Variants in HPS1 observed in about 807,000 individuals in gnomAD.
HPS1 encodes the protein HPS1 biogenesis of lysosomal organelles complex 3 subunit 1, also known as BLOC-3 complex member HPS1.
A neutral mutation model predicts 90.6 loss-of-function variants in HPS1; 59 were observed. The ratio of observed to expected loss-of-function variants is 0.65; its 90% CI spans 0.53 to 0.81. The LOEUF is 0.81. Ranked by LOEUF, HPS1 falls within the 30% of genes least tolerant of loss-of-function variation. The pLI is 0.00. For missense variants in HPS1, 849 were observed against 896.7 expected, an observed-to-expected ratio of 0.95 and a Z score of 0.68; for synonymous variants, 388 against 384.4, an observed-to-expected ratio of 1.01 and a Z score of -0.11.
intron 13 of HPS1, among the ~76,000 whole-genome samples, 194 bp from the exon 14 acceptor site, chr10:98,424,568 A>G (rs1845346070): frequency 6.6e-6 from 1 of 152,098 alleles, no homozygotes; most frequent in Non-Finnish European, 1.5e-5. Context: ...CTAGTCACTC[A>G]GCAGCGTTTA....
At chr10:98,433,087 C>G (rs1434282574) in intron 6 of HPS1, among the ~76,000 whole-genome samples, 1 of 152,010 alleles carries the variant, frequency 6.6e-6, no homozygotes, top group East Asian at 1.9e-4. Context: ...CAAAAATTAG[C>G]CAGGCGTGGT....
chr10:98,424,436 A>C, intron 13 of HPS1, 62 bp from the exon 14 acceptor site: 1 of 1,438,176 alleles, frequency 7.0e-7, no homozygotes, highest in East Asian at 2.3e-5. Context: ...GTCCAGGCCA[A>C]AGTCCTTCTC....
At chr10:98,439,839 T>C (rs1417504534) in intron 3 of HPS1, among the ~76,000 whole-genome samples, 2 of 152,202 alleles carry the variant, frequency 1.3e-5, no homozygotes, top group African/African-American at 4.8e-5. Context: ...GTAATCCCCA[T>C]AATCCCCACA....
At position 98,435,270 on chromosome 10, in the gene HPS1, A is replaced by G. The variant is rs1486224265; in HGVS notation, c.398+2T>C. ...CAGAGGGGACCAGCTTTGAAGACTC[A>G]CTCCTTTCGGATAAGATGACCGTCC... is the stretch of plus-strand genomic sequence containing the variant. On this transcript the variant is annotated splice_donor_variant, in intron 5 of 19. Coordinates refer to ENST00000361490, the MANE Select transcript of HPS1 (RefSeq NM_000195.5). LOFTEE classifies it high-confidence loss of function. The surrounding 1 kb of genome is among the most constrained non-coding windows in gnomAD (Gnocchi z 4.3). 4 of 1,613,900 alleles carry G rather than the reference A, an allele frequency of 2.5e-6. No homozygotes were observed. In the Admixed American group the frequency reaches 5.0e-5, roughly 20 times the overall value.
chr10:98,424,171 G>A, intron 14 of HPS1, 142 bp downstream of exon 14: 1 of 768,840 alleles, frequency 1.3e-6, no homozygotes, highest in Non-Finnish European at 2.2e-6. Flanking sequence ...TCCACGCGGT[G>A]CTCCACGTAT....
chr10:98,414,907 G>A (rs1460260702), downstream of HPS1: 1 of 1,497,254 alleles, frequency 6.7e-7, no homozygotes, highest in Non-Finnish European at 9.0e-7. Context: ...TGCCAGAGGA[G>A]AGAGCAGTGG....
chr10:98,430,171 A>G lies in HPS1; in HGVS notation c.769-282T>C, dbSNP rs60511309. 0.07 allele frequency among the ~76,000 whole-genome samples: 10,720 copies of G among 152,216 alleles called. 455 individuals carry two copies. Among genetic ancestry groups the G allele is most frequent in the Middle Eastern group, 0.1 (30 of 294 alleles). On this transcript the variant is annotated intron_variant, in intron 8 of 19. Transcript: ENST00000361490. ...GGTGGCTGACACTCACTAAGCATTC[A>G]CTATGCCCCAGGCAGTGCCAGGTTC...
At chr10:98,419,544 T>G (rs988845732) in intron 18 of HPS1, among the ~76,000 whole-genome samples, 4 of 152,016 alleles carry the variant, frequency 2.6e-5, no homozygotes, top group African/African-American at 9.7e-5. Context: ...TACTCTGCAG[T>G]AACAGTGAGG....
chr10:98,414,935 C>T, downstream of HPS1: 3 of 1,557,730 alleles, frequency 1.9e-6, no homozygotes, highest in Non-Finnish European at 8.7e-7. Flanking sequence ...CTCCCCCTCC[C>T]CCTCCCCACC....
Position 98,422,394 on chromosome 10 carries a change from G to C in HPS1, c.1718C>G (p.Pro573Arg), listed in dbSNP as rs372351461. 5.3e-5 allele frequency: 86 copies of C among 1,610,530 alleles called. No individual in the cohort carries two copies. In the Middle Eastern group the frequency reaches 6.6e-4, roughly 12 times the overall value. Reference sequence around the variant, plus strand: ...CTTAGTTTTGACAAAGGCAGCCAGCGGCCCCTTGCCCAACTCCGACGAGGT... The same window carrying C: ...CTTAGTTTTGACAAAGGCAGCCAGCCGCCCCTTGCCCAACTCCGACGAGGT... ...QKTSSELGKG[P>R]LAAFVKTKVW... is the part of the protein sequence containing the mutation. The change falls in exon 17 of 20, where the codon CCG (proline) becomes CGG (arginine). Residue 573 changes from proline (P) to arginine (R), a missense_variant. Coordinates refer to ENST00000361490, the MANE Select transcript of HPS1 (RefSeq NM_000195.5).
intron 18 of HPS1, among the ~76,000 whole-genome samples, 173 bp from the exon 19 acceptor site, chr10:98,418,430 A>T (rs1337250424): frequency 1.3e-5 from 2 of 152,230 alleles, no homozygotes; most frequent in Non-Finnish European, 2.9e-5. Flanking sequence ...CACCTTATGA[A>T]CATTAGAGAA....
In HPS1 at chr10:98,416,927, C is replaced by G. The variant is rs1844190666; in HGVS notation, c.*637G>C. 2 of 152,452 alleles carry G rather than the reference C, an allele frequency of 1.3e-5. No homozygotes were observed. Among genetic ancestry groups the G allele is most frequent in the African/African-American group, 4.8e-5 (2 of 41,464 alleles). 9.4% of individuals were successfully genotyped at this position (152,452 alleles called of 1,614,324 possible). On this transcript the variant is annotated 3_prime_UTR_variant, in exon 20 of 20. Transcript: ENST00000361490. ...GGCCAGGGGCTTGAGAACCCCAGCC[C>G]TAGGGCAGACGCCAGCCAAGCATGA...
downstream of HPS1, among the ~76,000 whole-genome samples, chr10:98,414,555 G>A (rs1428090848): frequency 6.6e-6 from 1 of 152,178 alleles, no homozygotes; most frequent in African/African-American, 2.4e-5. Flanking sequence ...TTGTGACGAG[G>A]GGTGGCCTCA....
At position 98,423,588 on chromosome 10, in the gene HPS1, C is replaced by T; in HGVS notation, c.1598+15G>A. 1 of 1,613,382 alleles carries T rather than the reference C, an allele frequency of 6.2e-7. No individual in the cohort carries two copies. Among genetic ancestry groups the T allele is most frequent in the Non-Finnish European group, 8.5e-7 (1 of 1,179,526 alleles). ...GAGGCTTGTTGGGCTGGCTGGGGCCCCGGCGTCAGGATATGACACCATGGT... is the reference window on the plus strand; with the variant it reads ...GAGGCTTGTTGGGCTGGCTGGGGCCTCGGCGTCAGGATATGACACCATGGT... On this transcript the variant is annotated intron_variant, in intron 16 of 19. Transcript: ENST00000361490.
At chr10:98,419,517 C>T (rs11189600) in intron 18 of HPS1, among the ~76,000 whole-genome samples, 68,954 of 151,718 alleles carry the variant, frequency 0.45, 18,575 homozygotes, top group African/African-American at 0.75. Context: ...TGATAGTAAG[C>T]TCCCCCCACT....
Position 98,435,513 on chromosome 10 carries a change from C to T in HPS1, c.256-99G>A, listed in dbSNP as rs746257267. ...AGCCAGGGGAGGCTCGGGTCCCAGG[C>T]GGGTTTGATAAGATGCCGTTTCTGC... On this transcript the variant is annotated intron_variant, in intron 4 of 19. Transcript: ENST00000361490. The surrounding 1 kb of genome is among the most constrained non-coding windows in gnomAD (Gnocchi z 4.3). The T allele has an allele frequency of 1.7e-4, 271 of 1,609,428 alleles. No homozygotes were observed. The highest frequency in any genetic ancestry group is 2.1e-4 in the Non-Finnish European group (249 of 1,176,382).
intron 10 of HPS1, 172 bp downstream of exon 10, chr10:98,429,401 G>A (rs1159331409): frequency 6.5e-7 from 1 of 1,535,566 alleles, no homozygotes; most frequent in Non-Finnish European, 8.7e-7. Flanking sequence ...TCAGGCTGGA[G>A]CTGGCAGGGA....
Position 98,417,809 on chromosome 10 carries a change from G to A in HPS1, c.1941-83C>T. 7.5e-7 allele frequency: 1 copy of A among 1,338,302 alleles called. No individual in the cohort carries two copies. The highest frequency in any genetic ancestry group is 1.1e-6 in the Non-Finnish European group (1 of 936,836). The allele number at this position is 1,338,302 out of a possible 1,614,324, so 82.9% of individuals were successfully genotyped here. ...CAGAGGCCTCTCTGGGCCCTCGCAA[G>A]CAAATGCCCATGCCCTCGGTCATCT... On this transcript the variant is annotated intron_variant, in intron 19 of 19. Coordinates refer to ENST00000361490, the MANE Select transcript of HPS1 (RefSeq NM_000195.5). The surrounding 1 kb of genome is among the most constrained non-coding windows in gnomAD (Gnocchi z 4.2).
downstream of HPS1, chr10:98,415,281 GC>G: frequency 8.8e-7 from 1 of 1,133,654 alleles, no homozygotes; most frequent in Non-Finnish European, 1.2e-6. Flanking sequence ...TGCATTCTTG[GC>G]CACAGGCCAG....
Sources: gnomAD v4.1 joint callset for allele counts (sites outside exome capture counted in the v4.1 genomes callset) on GRCh38, gnomAD v4.1.1 for gene constraint, Gnocchi (gnomAD v3.1) non-coding constraint, MANE v1.5 for transcripts, NCBI Gene and HGNC (gene_info 2026-07-23, HGNC 2026-07-21) for gene names.